SYNE1: variants seen among roughly 807,000 people sequenced by gnomAD.
SYNE1 encodes nesprin-1.
A neutral mutation model predicts 1,111.0 loss-of-function variants in SYNE1; 616 were observed. That is an observed-to-expected ratio of 0.55 (90% confidence interval 0.52 to 0.59). The LOEUF (loss-of-function observed/expected upper bound fraction) is 0.59, where lower values mean the gene tolerates loss of function less well. SYNE1 is among the 20% of genes least tolerant of loss of function. The probability of loss-of-function intolerance (pLI) is 0.00; values close to 1 mark genes in which losing one functional copy is unlikely to be tolerated. For synonymous variants in SYNE1, 3,855 were observed against 3,825.8 expected, an observed-to-expected ratio of 1.01 and a Z score of -0.28; for missense variants, 10,006 against 10,417.0, an observed-to-expected ratio of 0.96 and a Z score of 1.72.
intron 99 of SYNE1, among the ~76,000 whole-genome samples, chr6:152,268,467 C>T (rs1214249173): frequency 6.6e-6 from 1 of 151,034 alleles, no homozygotes; most frequent in Non-Finnish European, 1.5e-5. Context: ...AAAATGTACT[C>T]TCATTTTTCA....
chr6:152,421,957 C>T (rs940280238), intron 39 of SYNE1, among the ~76,000 whole-genome samples: 42 of 152,246 alleles, frequency 2.8e-4, no homozygotes, highest in Admixed American at 5.2e-4. Flanking sequence ...CTGCCCACCT[C>T]GGCCTCCCAA....
At position 152,214,907 on chromosome 6, in the gene SYNE1, T is replaced by C; in HGVS notation, c.22345A>G (p.Ser7449Gly). ...CAAGACATCTCTTGTTTACTCTACCTGAATCTTTCTGTAGTCTGAGAGGAG... is the reference window on the plus strand; with the variant it reads ...CAAGACATCTCTTGTTTACTCTACCCGAATCTTTCTGTAGTCTGAGAGGAG... ...LISSQTTERFSKLQSFLLQHQ... is the reference protein window; with the variant it reads ...LISSQTTERFGKLQSFLLQHQ... The change falls in exon 122 of 146, where the codon AGC becomes GGC. Residue 7449 changes from serine (S) to glycine (G), a missense_variant and splice_region_variant. Ser to Gly is a moderately conservative substitution (Grantham distance 56). Around this residue, in one of 7 missense-constraint regions of SYNE1, gnomAD observed 2,182 missense variants for 2,287.8 expected, o/e 0.95. Transcript: ENST00000367255. The C allele has an allele frequency of 1.2e-6, 2 of 1,614,108 alleles. No individual in the cohort carries two copies. The highest frequency in any genetic ancestry group is 1.7e-6 in the Non-Finnish European group (2 of 1,179,970).
chr6:152,221,633 T>C (rs2080203064), intron 117 of SYNE1, 74 bp from the exon 118 acceptor site: 1 of 1,590,766 alleles, frequency 6.3e-7, no homozygotes, highest in Non-Finnish European at 8.6e-7. Flanking sequence ...AAGGAATTTG[T>C]ATATGTTTTC....
intron 44 of SYNE1, 146 bp from the exon 45 acceptor site, chr6:152,407,342 C>T: frequency 1.3e-6 from 1 of 760,726 alleles, no homozygotes. Context: ...CTAATAAGTG[C>T]ACCCAACTCA....
chr6:152,429,086 GTAATAATAATAATAATAATAA>G (rs3046242), intron 36 of SYNE1, among the ~76,000 whole-genome samples: 3,351 of 144,688 alleles, frequency 0.023, 55 homozygotes, highest in Non-Finnish European at 0.036. Context: ...TATCTCAATA[GTAATAATAATAATAATAATAA>G]TAATAATAAT....
chr6:152,558,976 TTTTATTTATTTA>T (rs76946853), intron 3 of SYNE1, among the ~76,000 whole-genome samples: 2,903 of 139,976 alleles, frequency 0.021, 111 homozygotes, highest in African/African-American at 0.07. Flanking sequence ...CATATTTAAT[TTTTATTTATTTA>T]TTTATTTATT....
intron 85 of SYNE1, 112 bp downstream of exon 85, chr6:152,318,751 T>C (rs2095798488): frequency 3.9e-6 from 5 of 1,284,956 alleles, no homozygotes; most frequent in Non-Finnish European, 5.4e-6. Flanking sequence ...GCTGTTACTA[T>C]TTGGTTTTAA....
In SYNE1 at chr6:152,398,674, G is replaced by T; in HGVS notation, c.7295C>A (p.Ser2432Ter). The T allele has an allele frequency of 6.2e-7, 1 of 1,613,972 alleles. No individual in the cohort carries two copies. Among genetic ancestry groups the T allele is most frequent in the Non-Finnish European group, 8.5e-7 (1 of 1,179,906 alleles). Reference protein sequence around the residue: ...FLGAKAAAKESSDRTGDSKVL... With the variant: ...FLGAKAAAKE ...TTTGCTGTCACCGGTGCGATCTGAT[G>T]ATTCTTTTGCTGCTGCCTTTGCTCC... Residue 2432 changes from serine (S) to a stop codon, truncating the protein, a stop_gained, in exon 49 of 146, where the codon TCA (serine) becomes TAA (stop). Coordinates refer to ENST00000367255, the MANE Select transcript of SYNE1 (RefSeq NM_182961.4). LOFTEE classifies it high-confidence loss of function.
intron 127 of SYNE1, among the ~76,000 whole-genome samples, chr6:152,191,537 T>C (rs549061289): frequency 5.1e-4 from 78 of 152,280 alleles, no homozygotes; most frequent in African/African-American, 1.8e-3. Flanking sequence ...ATCCATTTCT[T>C]CTAGGTTTCC....
rs773187007 is a variant in SYNE1 at position 152,318,250 on chromosome 6, T to A, written c.16403A>T (p.Glu5468Val). 6.2e-7 allele frequency: 1 copy of A among 1,614,166 alleles called. No homozygotes were observed. Among genetic ancestry groups the A allele is most frequent in the South Asian group, 1.1e-5 (1 of 91,090 alleles). ...AKTDQKVLGE[E>V]LDGCNSKLME... ...TAACTTTGAATTACAGCCATCTAAT[T>A]CCTCTCCCAGCACCTTGATGGTCAC... The change falls in exon 86 of 146, where the codon GAA becomes GTA. Residue 5468 changes from glutamate (E) to valine (V), a missense_variant. Around this residue, in one of 7 missense-constraint regions of SYNE1, gnomAD observed 4,955 missense variants for 5,017.2 expected, o/e 0.99. Transcript: ENST00000367255.
chr6:152,239,338 T>C (rs1359257401), intron 108 of SYNE1, among the ~76,000 whole-genome samples, 195 bp downstream of exon 108: 1 of 152,086 alleles, frequency 6.6e-6, no homozygotes, highest in Non-Finnish European at 1.5e-5. Flanking sequence ...GCACAGCAGA[T>C]AGCCCAATGT....
At chr6:152,514,993 G>A (rs563284283) in intron 6 of SYNE1, among the ~76,000 whole-genome samples, 21 of 152,114 alleles carry the variant, frequency 1.4e-4, no homozygotes, top group Non-Finnish European at 2.6e-4. Flanking sequence ...AGGCCAAGGC[G>A]GGCAGATAGC....
At chr6:152,292,122 G>A (rs1013162261) in intron 95 of SYNE1, among the ~76,000 whole-genome samples, 8 of 152,152 alleles carry the variant, frequency 5.3e-5, no homozygotes, top group Non-Finnish European at 1.0e-4. Context: ...GGTGGCCGCT[G>A]GCAACAGAAA....
rs146027815 is a variant in SYNE1 at position 152,284,107 on chromosome 6, C to T, written c.18078G>A (p.Glu6026=). The change falls in exon 96 of 146, where the codon GAG becomes GAA. Residue 6026 remains glutamate (E), a synonymous_variant. Coordinates refer to ENST00000367255, the MANE Select transcript of SYNE1 (RefSeq NM_182961.4). The part of the protein sequence containing the change: ...EINELQSSLA[E]ELVSESCEAD... ...CCTCACAAGACTCGGATACCAGCTC[C>T]TCTGCGAGAGAGGACTGGAGCTCAT... The T allele has an allele frequency of 5.0e-6, 8 of 1,614,194 alleles. No homozygotes were observed. Among genetic ancestry groups the T allele is most frequent in the African/African-American group, 1.3e-5 (1 of 75,036 alleles).
chr6:152,452,722 C>T (rs931805265), intron 25 of SYNE1, among the ~76,000 whole-genome samples: 4 of 152,232 alleles, frequency 2.6e-5, no homozygotes, highest in Non-Finnish European at 5.9e-5. Context: ...TGGGTCTCCA[C>T]TGTGCTGCAG....
chr6:152,265,207 GAAAAAA>G (rs36042696), intron 100 of SYNE1, among the ~76,000 whole-genome samples: 2 of 87,914 alleles, frequency 2.3e-5, no homozygotes, highest in Admixed American at 2.7e-4. Context: ...CTCTGTCTCA[GAAAAAA>G]AAAAAAAAAA....
intron 3 of SYNE1, among the ~76,000 whole-genome samples, chr6:152,594,669 G>T (rs936102864): frequency 2.0e-5 from 3 of 152,112 alleles, no homozygotes; most frequent in African/African-American, 7.2e-5. Context: ...TACGTCCCTT[G>T]ATGTCACATC....
intron 135 of SYNE1, among the ~76,000 whole-genome samples, chr6:152,150,325 A>G (rs2152900982): frequency 6.6e-6 from 1 of 152,374 alleles, no homozygotes; most frequent in African/African-American, 2.4e-5. Flanking sequence ...GAATTGTCCA[A>G]TGGTGAAAAA....
chr6:152,603,314 C>T (rs755269061), intron 3 of SYNE1, among the ~76,000 whole-genome samples: 9 of 152,136 alleles, frequency 5.9e-5, no homozygotes, highest in Non-Finnish European at 1.2e-4. Flanking sequence ...CCCTGATTTC[C>T]ACGCCATATT....
Sources: allele counts gnomAD v4.1 joint callset (sites outside exome capture counted in the v4.1 genomes callset), GRCh38; gene constraint gnomAD v4.1.1; regional missense constraint gnomAD v4.1.1; transcripts MANE v1.5; gene names NCBI Gene and HGNC (gene_info 2026-07-23, HGNC 2026-07-21).